STIMATE: variants seen among roughly 807,000 people sequenced by gnomAD.
STIMATE encodes store-operated calcium entry regulator STIMATE.
A neutral mutation model predicts 36.7 loss-of-function variants in STIMATE; 15 were observed. The ratio of observed to expected loss-of-function variants is 0.41; its 90% CI spans 0.27 to 0.63. The LOEUF (loss-of-function observed/expected upper bound fraction) is 0.63, where lower values mean the gene tolerates loss of function less well. STIMATE is among the 20% of genes least tolerant of loss of function. STIMATE has a pLI of 0.32. For missense variants in STIMATE, 305 were observed against 397.3 expected, an observed-to-expected ratio of 0.77 and a Z score of 1.98; for synonymous variants, 163 against 162.3, an observed-to-expected ratio of 1.00 and a Z score of -0.03.
intron 1 of STIMATE, among the ~76,000 whole-genome samples, chr3:52,883,574 G>A (rs1270578202): frequency 6.6e-6 from 1 of 152,048 alleles, no homozygotes; most frequent in Non-Finnish European, 1.5e-5. Context: ...CCAATTACAC[G>A]TTAGACCTTT....
chr3:52,866,773 C>T (rs1701320619), intron 1 of STIMATE, among the ~76,000 whole-genome samples: 1 of 152,236 alleles, frequency 6.6e-6, no homozygotes, highest in Admixed American at 6.5e-5. Context: ...TGGAATTTTA[C>T]ACTTGATGTC....
intron 1 of STIMATE, among the ~76,000 whole-genome samples, chr3:52,859,030 C>T (rs561494793): frequency 5.3e-5 from 8 of 151,940 alleles, no homozygotes; most frequent in Middle Eastern, 3.4e-3. Context: ...GGTGTGGTGG[C>T]GCGTGCCTGT....
At chr3:52,850,600 G>A (rs1336921374) in intron 3 of STIMATE, among the ~76,000 whole-genome samples, 1 of 152,228 alleles carries the variant, frequency 6.6e-6, no homozygotes, top group Non-Finnish European at 1.5e-5. Flanking sequence ...CAGCCCAGGA[G>A]GCCCAGAACA....
At chr3:52,888,044 CAAAG>C (rs981040186) in intron 1 of STIMATE, among the ~76,000 whole-genome samples, 1 of 94,446 alleles carries the variant, frequency 1.1e-5, no homozygotes, top group African/African-American at 4.1e-5. Context: ...TGGGGTTTCT[CAAAG>C]AAATCTGAAG....
At chr3:52,867,337 T>C (rs187921274) in intron 1 of STIMATE, among the ~76,000 whole-genome samples, 30 of 152,346 alleles carry the variant, frequency 2.0e-4, no homozygotes, top group Non-Finnish European at 4.1e-4. Flanking sequence ...TTTGGATCAC[T>C]CTCCCTCACA....
At chr3:52,851,553 C>G (rs1441377585) in intron 3 of STIMATE, among the ~76,000 whole-genome samples, 1 of 152,226 alleles carries the variant, frequency 6.6e-6, no homozygotes, top group Non-Finnish European at 1.5e-5. Flanking sequence ...TCCTGCCTGC[C>G]CTTCCTCTGT....
chr3:52,865,063 C>T (rs1323466846), intron 1 of STIMATE, among the ~76,000 whole-genome samples: 1 of 152,070 alleles, frequency 6.6e-6, no homozygotes, highest in Non-Finnish European at 1.5e-5. Flanking sequence ...TCTCTTGCCT[C>T]AGCCTCCTGA....
chr3:52,872,322 A>G (rs1477740132), intron 1 of STIMATE, among the ~76,000 whole-genome samples: 1 of 152,234 alleles, frequency 6.6e-6, no homozygotes, highest in African/African-American at 2.4e-5. Flanking sequence ...TTTGTTGAAC[A>G]AAGGAATTCA....
rs1700778487 is a variant in STIMATE, at chr3:52,840,542, G to C, written c.837C>G (p.Pro279=). The change falls in exon 8 of 8, where the codon CCC becomes CCG. Residue 279 remains proline (P), a synonymous_variant. Transcript: ENST00000355083. ...GCTTCTTTTTCTTCACAGGCTTGAG[G>C]GGGGTCAGTCTGCGGAGGTCCTCCT... ...DVEEDLRRLT[P]LKPVKKKKHR... 1.9e-6 allele frequency: 3 copies of C among 1,614,080 alleles called. No homozygotes were observed. Among genetic ancestry groups the C allele is most frequent in the Middle Eastern group, 1.6e-4 (1 of 6,062 alleles).
intron 1 of STIMATE, among the ~76,000 whole-genome samples, chr3:52,873,339 A>C (rs1239817497): frequency 6.6e-6 from 1 of 152,252 alleles, no homozygotes; most frequent in African/African-American, 2.4e-5. Flanking sequence ...TGCAACCTTA[A>C]TAACAGCAAT....
intron 1 of STIMATE, among the ~76,000 whole-genome samples, chr3:52,882,355 G>A (rs999431103): frequency 2.6e-5 from 4 of 152,202 alleles, no homozygotes; most frequent in Non-Finnish European, 5.9e-5. Flanking sequence ...TACTGGTCTC[G>A]TAAACTAACC....
chr3:52,891,225 G>A (rs1390447446), intron 1 of STIMATE, among the ~76,000 whole-genome samples: 1 of 152,206 alleles, frequency 6.6e-6, no homozygotes, highest in Non-Finnish European at 1.5e-5. Context: ...CAGGCACAGA[G>A]GAAGTGGCTC....
At chr3:52,855,980 C>T (rs1575331439) in intron 1 of STIMATE, among the ~76,000 whole-genome samples, 1 of 152,292 alleles carries the variant, frequency 6.6e-6, no homozygotes. Flanking sequence ...GGATGGCCAA[C>T]CCCACAGTGG....
intron 5 of STIMATE, 123 bp from the exon 6 acceptor site, chr3:52,843,921 T>C (rs1700851835): frequency 7.7e-7 from 1 of 1,303,390 alleles, no homozygotes; most frequent in Non-Finnish European, 1.1e-6. Flanking sequence ...CAAAGCCCAA[T>C]GGGAGCAGCA....
At chr3:52,884,447 T>C (rs1336158844) in intron 1 of STIMATE, among the ~76,000 whole-genome samples, 1 of 152,082 alleles carries the variant, frequency 6.6e-6, no homozygotes, top group African/African-American at 2.4e-5. Flanking sequence ...GGTTTCACCA[T>C]GTTGGCCAGG....
At chr3:52,857,236 G>T (rs1031979247) in intron 1 of STIMATE, among the ~76,000 whole-genome samples, 6 of 152,168 alleles carry the variant, frequency 3.9e-5, no homozygotes, top group Non-Finnish European at 5.9e-5. Context: ...GAGAGAGAGA[G>T]ATCAACGAGC....
Position 52,838,210 on chromosome 3 carries a change from T to G in STIMATE, c.*2284A>C, listed in dbSNP as rs1276865125. 6.6e-6 allele frequency: 1 copy of G among 152,178 alleles called. No homozygotes were observed. The highest frequency in any genetic ancestry group is 2.4e-5 in the African/African-American group (1 of 41,424). The allele number at this position is 152,178 out of a possible 1,614,324, so 9.4% of individuals were successfully genotyped here. On this transcript the variant is annotated 3_prime_UTR_variant, in exon 8 of 8. Coordinates refer to ENST00000355083, the MANE Select transcript of STIMATE (RefSeq NM_198563.5). The stretch of plus-strand genomic sequence containing the variant: ...TTTGTTCCCCAAACCCTCTGCTCAC[T>G]GGGAAGTGGGCAAAGCCTTCAGATG...
At chr3:52,865,770 C>T (rs768113354) in intron 1 of STIMATE, among the ~76,000 whole-genome samples, 1 of 152,206 alleles carries the variant, frequency 6.6e-6, no homozygotes, top group Non-Finnish European at 1.5e-5. Context: ...AAAAGTCTCC[C>T]TTCTGGCTGA....
intron 1 of STIMATE, among the ~76,000 whole-genome samples, chr3:52,858,542 T>C (rs547715709): frequency 3.8e-4 from 58 of 152,268 alleles, no homozygotes; most frequent in African/African-American, 1.3e-3. Flanking sequence ...GGAGGATTGG[T>C]TGAGCCCAGG....
Sources: allele counts gnomAD v4.1 joint callset (sites outside exome capture counted in the v4.1 genomes callset), GRCh38; gene constraint gnomAD v4.1.1; transcripts MANE v1.5; gene names NCBI Gene and HGNC (gene_info 2026-07-23, HGNC 2026-07-21).